The following TRPM3 variants were observed in gnomAD, a reference collection of about 807,000 sequenced individuals.
The protein encoded by TRPM3 is transient receptor potential cation channel subfamily M member 3.
A neutral mutation model predicts 181.2 loss-of-function variants in TRPM3; 77 were observed. That is an observed-to-expected ratio of 0.42 (90% CI 0.35 to 0.51). The LOEUF is 0.51. Among genes scored for constraint, TRPM3 ranks in the 20% least tolerant of loss-of-function variants. The pLI is 0.01. For synonymous variants in TRPM3, 745 were observed against 796.4 expected, an observed-to-expected ratio of 0.94 and a Z score of 1.09; for missense variants, 1,759 against 2,196.7, an observed-to-expected ratio of 0.80 and a Z score of 3.98.
intron 1 of TRPM3, among the ~76,000 whole-genome samples, chr9:70,986,763 A>T (rs1011431885): frequency 6.6e-6 from 1 of 152,190 alleles, no homozygotes. Flanking sequence ...TGTATAATCT[A>T]GTGGAGCCTC....
intron 1 of TRPM3, among the ~76,000 whole-genome samples, chr9:71,131,721 T>C (rs2074386856): frequency 6.6e-6 from 1 of 152,170 alleles, no homozygotes; most frequent in African/African-American, 2.4e-5. Context: ...GAATTGTTTA[T>C]TCAACTCTCA....
At chr9:71,164,228 A>C (rs1565292990) in intron 1 of TRPM3, among the ~76,000 whole-genome samples, 1 of 152,242 alleles carries the variant, frequency 6.6e-6, no homozygotes, top group Non-Finnish European at 1.5e-5. Context: ...TTTACCAACC[A>C]ATTCAATGAA....
intron 1 of TRPM3, among the ~76,000 whole-genome samples, chr9:71,285,874 G>A (rs1044454158): frequency 1.3e-5 from 2 of 152,138 alleles, no homozygotes; most frequent in Non-Finnish European, 1.5e-5. Flanking sequence ...AATCCATTAT[G>A]CGCTGTAATT....
intron 1 of TRPM3, among the ~76,000 whole-genome samples, chr9:71,165,307 A>G (rs563651568): frequency 7.3e-4 from 111 of 152,182 alleles, no homozygotes; most frequent in African/African-American, 2.0e-3. Flanking sequence ...TATAGATAGT[A>G]AGCATCACTG....
At chr9:71,335,135 G>C (rs2090464169) in intron 1 of TRPM3, among the ~76,000 whole-genome samples, 1 of 152,146 alleles carries the variant, frequency 6.6e-6, no homozygotes, top group African/African-American at 2.4e-5. Flanking sequence ...TCACTTTAAT[G>C]AAGTGAAAGT....
intron 1 of TRPM3, among the ~76,000 whole-genome samples, chr9:70,872,944 A>G (rs1221609300): frequency 1.3e-5 from 2 of 151,958 alleles, no homozygotes; most frequent in African/African-American, 2.4e-5. Context: ...CCAGATAAGC[A>G]TTTTTCTTTT....
At chr9:70,643,555 C>G (rs920322433) in intron 9 of TRPM3, among the ~76,000 whole-genome samples, 1 of 152,162 alleles carries the variant, frequency 6.6e-6, no homozygotes, top group Non-Finnish European at 1.5e-5. Context: ...CCGTGGGTGA[C>G]AGTTTGGATC....
Position 71,404,234 on chromosome 9 carries a change from G to T in TRPM3, c.183+42419C>A, listed in dbSNP as rs1226748802. Among the ~76,000 whole-genome samples, 8 of 152,292 alleles carry T rather than the reference G, an allele frequency of 5.3e-5. No homozygotes were observed. The South Asian group carries it at 8.3e-4, about 16-fold the overall frequency. On this transcript the variant is annotated intron_variant, in intron 1 of 24. Coordinates refer to the TRPM3 transcript ENST00000357533. ...TAGCAGCTCAATAATACTAGTTATTGTTACTGACTTTTTAAGAAGAAATCA... is the reference window on the plus strand; with the variant it reads ...TAGCAGCTCAATAATACTAGTTATTTTTACTGACTTTTTAAGAAGAAATCA...
At chr9:70,667,410 TG>T (rs1357579972) in intron 9 of TRPM3, among the ~76,000 whole-genome samples, 1 of 152,144 alleles carries the variant, frequency 6.6e-6, no homozygotes, top group Admixed American at 6.5e-5. Flanking sequence ...GGAACCAAGT[TG>T]GGGAAGAGGG....
At chr9:70,843,765 T>C (rs868717541) in intron 4 of TRPM3, among the ~76,000 whole-genome samples, 12 of 148,134 alleles carry the variant, frequency 8.1e-5, no homozygotes, top group South Asian at 2.2e-4. Context: ...GTTTACAAGA[T>C]GTTAGGCGGC....
chr9:70,926,007 A>G (rs1211846722), intron 1 of TRPM3, among the ~76,000 whole-genome samples: 4 of 151,644 alleles, frequency 2.6e-5, no homozygotes, highest in African/African-American at 9.7e-5. Context: ...CAAAAAAAAA[A>G]AAAACAAACA....
At chr9:70,842,153 A>T (rs1472967395) in intron 5 of TRPM3, among the ~76,000 whole-genome samples, 1 of 152,072 alleles carries the variant, frequency 6.6e-6, no homozygotes, top group Non-Finnish European at 1.5e-5. Context: ...TTTAAAACTG[A>T]GAAGAAAGTG....
intron 1 of TRPM3, among the ~76,000 whole-genome samples, chr9:71,398,664 C>A (rs2131365228): frequency 6.6e-6 from 1 of 152,336 alleles, no homozygotes; most frequent in South Asian, 2.1e-4. Flanking sequence ...GCTTCCCAGC[C>A]ATGCTTCCTG....
chr9:71,310,915 G>C (rs4142472), intron 1 of TRPM3, among the ~76,000 whole-genome samples: 1 of 151,652 alleles, frequency 6.6e-6, no homozygotes, highest in Non-Finnish European at 1.5e-5. Context: ...TTAACTAAGA[G>C]ATGAAAAAAA....
intron 9 of TRPM3, among the ~76,000 whole-genome samples, chr9:70,662,724 T>TA: frequency 6.6e-6 from 1 of 151,028 alleles, no homozygotes; most frequent in Non-Finnish European, 1.5e-5. Flanking sequence ...TGGCCATAAT[T>TA]AAAATGTCAA....
intron 19 of TRPM3, 66 bp downstream of exon 19, chr9:70,610,543 G>A (rs2061851737): frequency 1.3e-6 from 2 of 1,560,802 alleles, no homozygotes; most frequent in Non-Finnish European, 1.7e-6. Context: ...CCACACAGAT[G>A]CATGAGAAAT....
In TRPM3 at chr9:71,269,385, T is replaced by C. The variant is rs1250020484; in HGVS notation, c.183+177268A>G. ...TCAGCAGGGGCATGGCAAGCATGTC[T>C]GGTTTAAGAGAAAAACTGAACACAT... On this transcript the variant is annotated intron_variant, in intron 1 of 24. Transcript: ENST00000357533. Among the ~76,000 whole-genome samples the C allele has an allele frequency of 2.0e-5, 3 of 152,054 alleles. No individual in the cohort carries two copies. The East Asian group carries it at 5.8e-4, about 29-fold the overall frequency.
intron 8 of TRPM3, among the ~76,000 whole-genome samples, chr9:70,689,068 A>G (rs531834951): frequency 5.9e-5 from 9 of 152,302 alleles, no homozygotes; most frequent in African/African-American, 2.2e-4. Flanking sequence ...AACATAGCAA[A>G]GTGAATGTGG....
intron 1 of TRPM3, among the ~76,000 whole-genome samples, chr9:71,266,644 C>T (rs886847953): frequency 6.6e-6 from 1 of 152,100 alleles, no homozygotes; most frequent in African/African-American, 2.4e-5. Context: ...TGAGATATCG[C>T]TGACAAAATT....
Sources: allele counts gnomAD v4.1 joint callset (sites outside exome capture counted in the v4.1 genomes callset), GRCh38; gene constraint gnomAD v4.1.1; transcripts MANE v1.5; gene names NCBI Gene and HGNC (gene_info 2026-07-23, HGNC 2026-07-21).